The following ANKFN1 variants were observed in gnomAD, a reference collection of about 807,000 sequenced individuals.
The protein encoded by ANKFN1 is ankyrin repeat and fibronectin type-III domain-containing protein 1.
A neutral mutation model predicts 108.7 loss-of-function variants in ANKFN1; 74 were observed. The observed-to-expected ratio is 0.68, with a 90% confidence interval of 0.56 to 0.83. The LOEUF (loss-of-function observed/expected upper bound fraction) is 0.83, where lower values mean the gene tolerates loss of function less well. Ranked by LOEUF, ANKFN1 falls within the 40% of genes least tolerant of loss-of-function variation. The pLI, the probability that ANKFN1 is intolerant of heterozygous loss-of-function variation, is 0.00. For synonymous variants in ANKFN1, 547 were observed against 516.2 expected (o/e 1.06, Z -0.81); for missense variants, 1,505 against 1,382.3 (o/e 1.09, Z -1.41).
chr17:56,090,912 G>A (rs1000117795), intron 4 of ANKFN1, among the ~76,000 whole-genome samples: 2 of 151,292 alleles, frequency 1.3e-5, no homozygotes, highest in East Asian at 1.9e-4. Context: ...CTGGCTAGGC[G>A]TTTGCTTTAA....
chr17:56,471,657 G>A (rs566515783), intron 15 of ANKFN1: 3 of 152,252 alleles, frequency 2.0e-5, no homozygotes, highest in Middle Eastern at 3.4e-3. Context: ...AACAACTGAC[G>A]AATGGGTAAA....
intron 11 of ANKFN1, among the ~76,000 whole-genome samples, chr17:56,450,685 A>T (rs2049452649): frequency 6.6e-6 from 1 of 152,126 alleles, no homozygotes; most frequent in Admixed American, 6.6e-5. Context: ...ATCCCTGCCC[A>T]TTGGTTCCTG....
intron 20 of ANKFN1, among the ~76,000 whole-genome samples, chr17:56,503,525 A>G (rs1200915533): frequency 7.9e-6 from 1 of 126,242 alleles, no homozygotes; most frequent in Non-Finnish European, 1.7e-5. Context: ...ATATATATAT[A>G]TATAGACAGT....
At chr17:56,133,072 A>T (rs1426880020) in intron 4 of ANKFN1, among the ~76,000 whole-genome samples, 1 of 152,180 alleles carries the variant, frequency 6.6e-6, no homozygotes, top group Non-Finnish European at 1.5e-5. Context: ...TTAAAAAATA[A>T]CCATTCAGGC....
chr17:56,406,919 T>C (rs56388937), intron 8 of ANKFN1, among the ~76,000 whole-genome samples: 7,047 of 152,202 alleles, frequency 0.046, 484 homozygotes, highest in African/African-American at 0.16. Flanking sequence ...GGTTCATGTA[T>C]CCACCTGACA....
At position 56,374,624 on chromosome 17, in the gene ANKFN1, G is replaced by A; in HGVS notation, c.820G>A (p.Val274Ile). 6.2e-7 allele frequency: 1 copy of A among 1,613,898 alleles called. No individual in the cohort carries two copies. The highest frequency in any genetic ancestry group is 1.1e-5 in the South Asian group (1 of 91,066). ...HARAPEMPTN[V>I]CLMVTSSTSL... is the part of the protein sequence containing the mutation. ...AGGAGCCCCTGAGATGCCAACCAAT[G>A]TCTGTCTCATGGTAACCAGCAGCAC... is the stretch of plus-strand genomic sequence containing the variant. The change falls in exon 8 of 21, where the codon GTC (valine) becomes ATC (isoleucine). Residue 274 changes from valine to isoleucine, a missense_variant. By Grantham distance (29) the Val-to-Ile change is conservative. Coordinates refer to ENST00000682825, the MANE Select transcript of ANKFN1 (RefSeq NM_001370326.1).
chr17:56,132,279 C>T (rs1275227158), intron 4 of ANKFN1, among the ~76,000 whole-genome samples: 1 of 152,124 alleles, frequency 6.6e-6, no homozygotes, highest in Non-Finnish European at 1.5e-5. Context: ...AATGAAGAAA[C>T]ATGACATTAA....
chr17:56,489,741 T>C (rs543288296), intron 18 of ANKFN1, among the ~76,000 whole-genome samples: 1 of 152,098 alleles, frequency 6.6e-6, no homozygotes, highest in Non-Finnish European at 1.5e-5. Flanking sequence ...TTTTTTTACC[T>C]CTTGGTTCAG....
chr17:56,320,590 C>A (rs1051524217), intron 3 of ANKFN1, among the ~76,000 whole-genome samples: 1 of 152,048 alleles, frequency 6.6e-6, no homozygotes, highest in African/African-American at 2.4e-5. Context: ...CTCATACAGA[C>A]AATAGGGGAT....
chr17:56,394,203 C>T (rs1295666737), intron 8 of ANKFN1, among the ~76,000 whole-genome samples: 2 of 152,234 alleles, frequency 1.3e-5, no homozygotes, highest in Non-Finnish European at 2.9e-5. Flanking sequence ...TTTGTAAGTA[C>T]TGTGGTTCAC....
At chr17:56,335,532 A>G (rs1288883532) in intron 4 of ANKFN1, among the ~76,000 whole-genome samples, 1 of 152,088 alleles carries the variant, frequency 6.6e-6, no homozygotes, top group Non-Finnish European at 1.5e-5. Context: ...TTATTGGTGT[A>G]TAGGAATGCT....
At chr17:56,280,166 T>C (rs1216022393) in intron 3 of ANKFN1, among the ~76,000 whole-genome samples, 1 of 152,038 alleles carries the variant, frequency 6.6e-6, no homozygotes, top group African/African-American at 2.4e-5. Context: ...CATGCCACCA[T>C]GCCCAGCTCA....
At chr17:56,147,437 A>G (rs1048224586) in intron 4 of ANKFN1, among the ~76,000 whole-genome samples, 3 of 152,180 alleles carry the variant, frequency 2.0e-5, no homozygotes, top group Admixed American at 6.5e-5. Context: ...ACAGTTTCAC[A>G]TTACTAGGGA....
chr17:56,170,728 A>G (rs1164473686), intron 1 of ANKFN1, among the ~76,000 whole-genome samples: 6 of 142,526 alleles, frequency 4.2e-5, no homozygotes, highest in African/African-American at 1.6e-4. Context: ...ACACCACTGC[A>G]CTCCACCCTG....
intron 1 of ANKFN1, among the ~76,000 whole-genome samples, chr17:56,162,521 G>A (rs976659101): frequency 6.6e-6 from 1 of 151,996 alleles, no homozygotes; most frequent in African/African-American, 2.4e-5. Context: ...CAGTCATATT[G>A]GAGTAGGGTC....
chr17:56,125,780 G>T (rs982263964), intron 4 of ANKFN1, among the ~76,000 whole-genome samples: 1 of 152,158 alleles, frequency 6.6e-6, no homozygotes, highest in African/African-American at 2.4e-5. Context: ...AAGTAGAGAT[G>T]GAAATGCTCC....
At chr17:56,484,491 G>A (rs1417165612) in intron 18 of ANKFN1, among the ~76,000 whole-genome samples, 2 of 152,170 alleles carry the variant, frequency 1.3e-5, no homozygotes, top group East Asian at 3.8e-4. Context: ...TGACTATGAG[G>A]CTATTGCTCC....
At chr17:56,510,439 A>G (rs1257971310) in intron 20 of ANKFN1, 34 bp from the exon 21 acceptor site, 10 of 1,520,350 alleles carry the variant, frequency 6.6e-6, no homozygotes, top group African/African-American at 2.8e-5. Flanking sequence ...AGCTAAGACT[A>G]TATTTTTCCT....
At chr17:56,327,700 G>C (rs1459671115) in intron 4 of ANKFN1, among the ~76,000 whole-genome samples, 1 of 152,174 alleles carries the variant, frequency 6.6e-6, no homozygotes, top group Non-Finnish European at 1.5e-5. Flanking sequence ...CTGGCTCCCA[G>C]ATTAAAGATG....
Sources: gnomAD v4.1 joint callset for allele counts (sites outside exome capture counted in the v4.1 genomes callset) on GRCh38, gnomAD v4.1.1 for gene constraint, MANE v1.5 for transcripts, NCBI Gene and HGNC (gene_info 2026-07-23, HGNC 2026-07-21) for gene names.